Variants in TENM3 observed in about 807,000 individuals in gnomAD.
TENM3 encodes teneurin-3.
A neutral mutation model predicts 255.1 loss-of-function variants in TENM3; 63 were observed. The observed-to-expected ratio is 0.25, with a 90% CI of 0.20 to 0.30. The LOEUF (loss-of-function observed/expected upper bound fraction) is 0.30. TENM3 is among the 10% of genes least tolerant of loss of function. The pLI is 1.00. For synonymous variants in TENM3, 1,306 were observed against 1,322.3 expected (o/e 0.99, Z 0.27); for missense variants, 2,929 against 3,461.1 (o/e 0.85, Z 3.86).
intron 3 of TENM3, among the ~76,000 whole-genome samples, chr4:182,458,561 C>T (rs528007908): frequency 5.9e-5 from 9 of 152,162 alleles, no homozygotes; most frequent in Admixed American, 2.0e-4. Context: ...TTTTGAACAG[C>T]GTAGCTTCTT....
In TENM3 at chr4:182,799,452, C is replaced by T; in HGVS notation, c.7345-144C>T. On this transcript the variant is annotated intron_variant, in intron 27 of 27. Transcript: ENST00000511685. This position sits in a 1 kb window ranked among gnomAD's most constrained non-coding sequence, Gnocchi z 4.2. ...GAGGGATCTCGAGTGCTCCCTCCAC[C>T]CGGGCTGTCAGCCTTCTGGTCAGGG... 9.6e-7 allele frequency: 1 copy of T among 1,043,898 alleles called. No individual in the cohort carries two copies. Among genetic ancestry groups the T allele is most frequent in the Non-Finnish European group, 1.3e-6 (1 of 746,352 alleles). 64.7% of individuals were successfully genotyped at this position (1,043,898 alleles called of 1,614,324 possible).
At chr4:181,951,358 C>T in the TENM3 span, among the ~76,000 whole-genome samples, 1 of 152,172 alleles carries the variant, frequency 6.6e-6, no homozygotes, top group African/African-American at 2.4e-5. Context: ...CCAATGTCTT[C>T]TAGAGCATAT....
chr4:182,496,932 A>T (rs1735822603), intron 3 of TENM3, among the ~76,000 whole-genome samples: 1 of 152,212 alleles, frequency 6.6e-6, no homozygotes, highest in Non-Finnish European at 1.5e-5. Context: ...CATATTGTAG[A>T]ATACACCAGA....
chr4:181,770,805 A>G, the TENM3 span, among the ~76,000 whole-genome samples: 1 of 152,126 alleles, frequency 6.6e-6, no homozygotes, highest in East Asian at 1.9e-4. Flanking sequence ...TATGATATGT[A>G]TGTTAGTACA....
At chr4:182,521,463 G>C (rs904586403) in intron 3 of TENM3, among the ~76,000 whole-genome samples, 2 of 152,162 alleles carry the variant, frequency 1.3e-5, no homozygotes, top group African/African-American at 4.8e-5. Flanking sequence ...TGCAATATTT[G>C]CATGTAGAGT....
intron 4 of TENM3, among the ~76,000 whole-genome samples, chr4:182,621,805 A>G (rs867887903): frequency 3.2e-4 from 2 of 6,234 alleles, no homozygotes; most frequent in East Asian, 0.042. Context: ...TATATAATAT[A>G]TATATTATAT....
At chr4:181,463,759 G>GT in the TENM3 span, among the ~76,000 whole-genome samples, 1 of 152,000 alleles carries the variant, frequency 6.6e-6, no homozygotes, top group Admixed American at 6.6e-5. Context: ...TAAAACATTT[G>GT]TATCACCCTC....
chr4:182,390,970 T>A lies in TENM3; in HGVS notation c.511+44041T>A, dbSNP rs77048634. ...AATCGTGCACATGGGAGATGCTTGTTCATTTAATAGAATAGCTGTTAATTC... is the reference window on the plus strand; with the variant it reads ...AATCGTGCACATGGGAGATGCTTGTACATTTAATAGAATAGCTGTTAATTC... On this transcript the variant is annotated intron_variant, in intron 3 of 27. Coordinates refer to ENST00000511685, the MANE Select transcript of TENM3 (RefSeq NM_001080477.4). Among the ~76,000 whole-genome samples the A allele has an allele frequency of 3.9e-3, 588 of 152,312 alleles. 22 individuals are homozygous for A. In the East Asian group the frequency reaches 0.081, roughly 21 times the overall value.
the TENM3 span, among the ~76,000 whole-genome samples, chr4:182,103,821 C>A: frequency 1.3e-5 from 2 of 152,212 alleles, no homozygotes; most frequent in Non-Finnish European, 2.9e-5. Flanking sequence ...CCCCTTTCAA[C>A]CTTTCTGTAA....
chr4:182,453,581 A>G (rs923025488), intron 3 of TENM3, among the ~76,000 whole-genome samples: 4 of 152,314 alleles, frequency 2.6e-5, no homozygotes, highest in African/African-American at 9.6e-5. Context: ...AAAACACTTT[A>G]GTCTTTTGTG....
intron 1 of TENM3, among the ~76,000 whole-genome samples, chr4:182,313,423 A>C (rs1407220977): frequency 6.6e-6 from 1 of 152,164 alleles, no homozygotes; most frequent in East Asian, 1.9e-4. Context: ...AAATAACAAC[A>C]TAAATATATC....
the TENM3 span, among the ~76,000 whole-genome samples, chr4:181,623,019 A>G: frequency 1.3e-5 from 2 of 152,228 alleles, no homozygotes; most frequent in Non-Finnish European, 2.9e-5. Flanking sequence ...ATAAACCCTA[A>G]GGAATTCATT....
the TENM3 span, among the ~76,000 whole-genome samples, chr4:181,580,028 G>A: frequency 5.4e-5 from 8 of 148,212 alleles, no homozygotes; most frequent in African/African-American, 1.0e-4. Context: ...ATGGAGCTTC[G>A]CTCTTCTTGC....
the TENM3 span, among the ~76,000 whole-genome samples, chr4:182,088,449 C>T: frequency 6.6e-6 from 1 of 152,154 alleles, no homozygotes; most frequent in Non-Finnish European, 1.5e-5. Flanking sequence ...TCAGCTTTCT[C>T]CCCAACCTTT....
chr4:182,800,099 G>C lies in TENM3; in HGVS notation c.7848G>C (p.Glu2616Asp). The change falls in exon 28 of 28, where the codon GAG becomes GAC. Residue 2616 changes from glutamate (E) to aspartate (D), a missense_variant. By Grantham distance (45) the Glu-to-Asp change is conservative. Coordinates refer to ENST00000511685, the MANE Select transcript of TENM3 (RefSeq NM_001080477.4). The part of the protein sequence containing the change: ...HVRYGMTLDE[E>D]KARILEQARQ... ...GCTACGGCATGACCCTGGACGAGGAGAAGGCGCGCATCCTGGAGCAGGCGC... is the reference window on the plus strand; with the variant it reads ...GCTACGGCATGACCCTGGACGAGGACAAGGCGCGCATCCTGGAGCAGGCGC... The C allele has an allele frequency of 6.3e-7, 1 of 1,580,764 alleles. No individual in the cohort carries two copies. The highest frequency in any genetic ancestry group is 8.6e-7 in the Non-Finnish European group (1 of 1,165,288).
intron 1 of TENM3, among the ~76,000 whole-genome samples, chr4:182,170,259 A>G (rs767213276): frequency 4.6e-5 from 7 of 152,082 alleles, no homozygotes; most frequent in Non-Finnish European, 8.8e-5. Flanking sequence ...AATAGAATGT[A>G]CCTCTGAACT....
chr4:182,583,037 T>C (rs1225951368), intron 3 of TENM3, among the ~76,000 whole-genome samples: 1 of 152,198 alleles, frequency 6.6e-6, no homozygotes, highest in East Asian at 1.9e-4. Flanking sequence ...ATGTCGATCT[T>C]AATGTTAATA....
At chr4:182,143,078 A>T (rs1007522386), upstream of TENM3, 3 of 167,350 alleles carry the variant, frequency 1.8e-5, no homozygotes, top group Admixed American at 2.0e-4. The surrounding 1 kb of genome is among the most constrained non-coding windows in gnomAD (Gnocchi z 4.3). Context: ...AGGAGCAGCA[A>T]ACTTTTTTTT....
the TENM3 span, among the ~76,000 whole-genome samples, chr4:181,470,113 A>AAAAC: frequency 8.2e-6 from 1 of 122,044 alleles, no homozygotes; most frequent in African/African-American, 2.7e-5. Context: ...TTCTGTAAAA[A>AAAAC]AAAAAAAAAA....
Sources: gnomAD v4.1 joint callset for allele counts (sites outside exome capture counted in the v4.1 genomes callset) on GRCh38, gnomAD v4.1.1 for gene constraint, Gnocchi (gnomAD v3.1) non-coding constraint, MANE v1.5 for transcripts, NCBI Gene and HGNC (gene_info 2026-07-23, HGNC 2026-07-21) for gene names.